ATP8A1: variants seen among roughly 807,000 people sequenced by gnomAD.
ATP8A1 encodes phospholipid-transporting ATPase IA.
Under a neutral mutation model 177.7 loss-of-function variants are expected in ATP8A1, and 90 were observed. The observed-to-expected ratio is 0.51, with a 90% CI of 0.43 to 0.60. The LOEUF is 0.60. Among genes scored for constraint, ATP8A1 ranks in the 20% least tolerant of loss-of-function variants. The pLI is 0.00. For synonymous variants in ATP8A1, 493 were observed against 485.9 expected (o/e 1.01, Z -0.19); for missense variants, 1,072 against 1,392.8 (o/e 0.77, Z 3.67).
chr4:42,567,815 T>C (rs949444569), intron 15 of ATP8A1, among the ~76,000 whole-genome samples: 2 of 152,208 alleles, frequency 1.3e-5, no homozygotes, highest in Non-Finnish European at 2.9e-5. Context: ...AAGTAGAATA[T>C]TTTGAATGAC....
At chr4:42,547,582 A>T (rs1189879522) in intron 19 of ATP8A1, among the ~76,000 whole-genome samples, 1 of 152,246 alleles carries the variant, frequency 6.6e-6, no homozygotes, top group African/African-American at 2.4e-5. Context: ...ACTTAATGAC[A>T]GTCTACAGAT....
chr4:42,595,491 C>T (rs1734634472), intron 6 of ATP8A1, among the ~76,000 whole-genome samples: 1 of 152,074 alleles, frequency 6.6e-6, no homozygotes, highest in African/African-American at 2.4e-5. Context: ...CTGAAACTGG[C>T]AAATTACCAG....
chr4:42,540,714 T>A (rs1269632984), intron 20 of ATP8A1, among the ~76,000 whole-genome samples: 6 of 149,186 alleles, frequency 4.0e-5, no homozygotes, highest in Non-Finnish European at 8.9e-5. Context: ...CTCACTTATA[T>A]GTGAGAGCTA....
intron 4 of ATP8A1, 110 bp downstream of exon 4, chr4:42,624,426 A>G: frequency 1.8e-6 from 1 of 546,274 alleles, no homozygotes; most frequent in Non-Finnish European, 3.1e-6. Context: ...AGTTGAATGG[A>G]TATTTTAAAC....
intron 20 of ATP8A1, among the ~76,000 whole-genome samples, chr4:42,538,018 C>T (rs1171824123): frequency 1.3e-5 from 2 of 151,902 alleles, no homozygotes; most frequent in Non-Finnish European, 2.9e-5. Context: ...ATATATAATA[C>T]TATATAAGGC....
chr4:42,638,935 A>G (rs555897583), intron 1 of ATP8A1, among the ~76,000 whole-genome samples: 63 of 152,332 alleles, frequency 4.1e-4, no homozygotes, highest in Admixed American at 5.2e-4. Context: ...CAAAAGTGGT[A>G]AAGTAGTAAT....
chr4:42,532,971 T>C (rs566789444), intron 20 of ATP8A1, among the ~76,000 whole-genome samples: 7 of 152,248 alleles, frequency 4.6e-5, no homozygotes, highest in African/African-American at 1.7e-4. Context: ...CTAATGATAA[T>C]CCCACCACCC....
intron 1 of ATP8A1, 73 bp downstream of exon 1, chr4:42,656,752 G>GA (rs1210737414): frequency 7.1e-7 from 1 of 1,416,616 alleles, no homozygotes; most frequent in Non-Finnish European, 9.4e-7. Flanking sequence ...TCTCTTCCAG[G>GA]ATAAACACAC....
intron 20 of ATP8A1, among the ~76,000 whole-genome samples, chr4:42,532,199 A>C (rs1348143276): frequency 6.6e-6 from 1 of 152,068 alleles, no homozygotes; most frequent in Non-Finnish European, 1.5e-5. Flanking sequence ...GATCTCTATA[A>C]GAAAAACAAA....
chr4:42,608,710 A>G (rs1736074294), intron 5 of ATP8A1, among the ~76,000 whole-genome samples: 1 of 152,108 alleles, frequency 6.6e-6, no homozygotes. Flanking sequence ...AGACAATGAC[A>G]CTACTGTTGT....
rs369861956 is a variant in ATP8A1, at chr4:42,616,019, T to C, written c.409+14A>G. On this transcript the variant is annotated intron_variant, in intron 5 of 36. Transcript: ENST00000381668. Reference sequence around the variant, plus strand: ...GTTTGACAAATATGAGAAAAAAGCATGTAAAATTCCTACCTTGCGTTTGTT... The same window carrying C: ...GTTTGACAAATATGAGAAAAAAGCACGTAAAATTCCTACCTTGCGTTTGTT... The C allele has an allele frequency of 1.2e-4, 186 of 1,609,902 alleles. No homozygotes were observed. In the African/African-American group the frequency reaches 2.0e-3, roughly 17 times the overall value.
chr4:42,522,448 T>A (rs1726229681), intron 21 of ATP8A1, 149 bp from the exon 22 acceptor site: 1 of 957,412 alleles, frequency 1.0e-6, no homozygotes, highest in South Asian at 1.6e-5. Context: ...TGACAAAAAC[T>A]TAGTATAAAA....
At chr4:42,623,102 C>T (rs1467368496) in intron 4 of ATP8A1, among the ~76,000 whole-genome samples, 1 of 150,350 alleles carries the variant, frequency 6.7e-6, no homozygotes, top group African/African-American at 2.4e-5. Context: ...AAAAGCTCAA[C>T]ATCACCAATT....
chr4:42,515,784 T>C (rs1261543349), intron 22 of ATP8A1, among the ~76,000 whole-genome samples: 1 of 152,204 alleles, frequency 6.6e-6, no homozygotes, highest in African/African-American at 2.4e-5. Flanking sequence ...GAACAGAACC[T>C]GCCACGCAGC....
Position 42,455,542 on chromosome 4 carries a change from T to C in ATP8A1, c.2677A>G (p.Ile893Val), listed in dbSNP as rs756879508. 1.9e-6 allele frequency: 3 copies of C among 1,613,788 alleles called. No homozygotes were observed. The highest frequency in any genetic ancestry group is 1.7e-6 in the Non-Finnish European group (2 of 1,179,788). Reference protein sequence around the residue: ...SGQILFERWCIGLYNVMFTAM... With the variant: ...SGQILFERWCVGLYNVMFTAM... ...AAACTTACCACGTTATAGAGACCTA[T>C]ACACCATCTTTCAAAGAGGATCTGT... The change falls in exon 28 of 37, where the codon ATA becomes GTA. Residue 893 changes from isoleucine (I) to valine (V), a missense_variant. Transcript: ENST00000381668.
At chr4:42,653,249 A>G (rs1741287102) in intron 1 of ATP8A1, among the ~76,000 whole-genome samples, 1 of 152,150 alleles carries the variant, frequency 6.6e-6, no homozygotes, top group African/African-American at 2.4e-5. Context: ...TTAAAATTGC[A>G]ATCCATCCAC....
At chr4:42,569,506 C>T (rs1032401737) in intron 14 of ATP8A1, among the ~76,000 whole-genome samples, 11 of 152,066 alleles carry the variant, frequency 7.2e-5, no homozygotes, top group African/African-American at 2.7e-4. Flanking sequence ...TTCAACTTAG[C>T]AGTTGAAATG....
rs143404129 is a variant in ATP8A1, at chr4:42,524,662, T to A, written c.1807+101A>T. 3.3e-3 allele frequency: 2,134 copies of A among 653,714 alleles called. 35 individuals are homozygous for A. In the African/African-American group the frequency reaches 0.036, roughly 11 times the overall value. 40.5% of individuals were successfully genotyped at this position (653,714 alleles called of 1,614,324 possible). A position where few individuals can be genotyped will look rare whatever the true frequency, so the allele number is the denominator to read the frequency against. On this transcript the variant is annotated intron_variant, in intron 21 of 36. Coordinates refer to ENST00000381668, the MANE Select transcript of ATP8A1 (RefSeq NM_006095.2). ...ATTGCCAACAGCTGATATCTTACTTTAGGAATCTCTAAGTCTAATAATAAT... is the reference window on the plus strand; with the variant it reads ...ATTGCCAACAGCTGATATCTTACTTAAGGAATCTCTAAGTCTAATAATAAT...
chr4:42,455,561 G>A lies in ATP8A1; in HGVS notation c.2658C>T (p.Ile886=), dbSNP rs1214837127. The A allele has an allele frequency of 2.5e-6, 4 of 1,613,486 alleles. No individual in the cohort carries two copies. The highest frequency in any genetic ancestry group is 3.4e-6 in the Non-Finnish European group (4 of 1,179,730). The change falls in exon 28 of 37, where the codon ATC becomes ATT. Residue 886 remains isoleucine (I), a synonymous_variant. Coordinates refer to ENST00000381668, the MANE Select transcript of ATP8A1 (RefSeq NM_006095.2). ...FAFVNGFSGQ[I]LFERWCIGLY... Reference sequence around the variant, plus strand: ...GACCTATACACCATCTTTCAAAGAGGATCTGTCCAGAAAAGCCATTAACAA... The same window carrying A: ...GACCTATACACCATCTTTCAAAGAGAATCTGTCCAGAAAAGCCATTAACAA...
Sources: allele counts gnomAD v4.1 joint callset (sites outside exome capture counted in the v4.1 genomes callset), GRCh38; gene constraint gnomAD v4.1.1; transcripts MANE v1.5; gene names NCBI Gene and HGNC (gene_info 2026-07-23, HGNC 2026-07-21).